The following NEK10 variants were observed in gnomAD, a reference collection of about 807,000 sequenced individuals.
NEK10 encodes NIMA related kinase 10.
NEK10 carries 122 observed loss-of-function variants against 159.8 expected under a neutral mutation model. That is an observed-to-expected ratio of 0.76 (90% CI 0.66 to 0.89). The LOEUF (loss-of-function observed/expected upper bound fraction) is 0.89, where lower values mean the gene tolerates loss of function less well. Among genes scored for constraint, NEK10 ranks in the 40% least tolerant of loss-of-function variants. The pLI, the probability that NEK10 is intolerant of heterozygous loss-of-function variation, is 0.00. For synonymous variants in NEK10, 466 were observed against 457.1 expected (o/e 1.02, Z -0.25); for missense variants, 1,342 against 1,323.1 (o/e 1.01, Z -0.22).
Position 27,119,852 on chromosome 3 carries a change from G to A in NEK10, c.3098C>T (p.Pro1033Leu). 6.2e-7 allele frequency: 1 copy of A among 1,613,644 alleles called. No homozygotes were observed. The highest frequency in any genetic ancestry group is 8.5e-7 in the Non-Finnish European group (1 of 1,179,678). Residue 1033 changes from proline to leucine, a missense_variant, in exon 33 of 36, where the codon CCA becomes CTA. Pro to Leu is a moderately conservative substitution (Grantham distance 98). Transcript: ENST00000691995. ...GAAAAAGTTGGGCTCAATCGGTTCT[G>A]GAGATCCCTGAGATAACTGAAATAG... is the stretch of plus-strand genomic sequence containing the variant. ...SEIKKLSQGS[P>L]EPIEPNFFTA...
At chr3:27,191,994 G>C (rs1440634704) in intron 26 of NEK10, 35 bp downstream of exon 26, 1 of 1,575,896 alleles carries the variant, frequency 6.3e-7, no homozygotes, top group Non-Finnish European at 8.7e-7. Flanking sequence ...GCCCATTAGA[G>C]TGCATCATGA....
intron 32 of NEK10, among the ~76,000 whole-genome samples, chr3:27,124,596 A>C (rs1332655214): frequency 6.6e-6 from 1 of 152,202 alleles, no homozygotes; most frequent in East Asian, 1.9e-4. Context: ...TCTTACATCA[A>C]AGGTCAGAAC....
intron 23 of NEK10, among the ~76,000 whole-genome samples, chr3:27,207,895 T>G (rs748802851): frequency 5.9e-5 from 9 of 152,188 alleles, no homozygotes; most frequent in African/African-American, 9.6e-5. Flanking sequence ...TGACCTGAGG[T>G]GACATAATTA....
intron 23 of NEK10, among the ~76,000 whole-genome samples, chr3:27,247,903 A>G (rs972551672): frequency 1.4e-5 from 2 of 144,024 alleles, no homozygotes; most frequent in Non-Finnish European, 3.0e-5. Flanking sequence ...GTTTGGAAGT[A>G]TACCCTCTTC....
chr3:27,107,365 C>T lies in NEK10; in HGVS notation c.*3907G>A, dbSNP rs115297005. ...TACAATATGCAATTTACTGTAATGA[C>T]ACACATAAGAATTCCTTTATCACAA... On this transcript the variant is annotated 3_prime_UTR_variant, in exon 36 of 36. Coordinates refer to ENST00000691995, the MANE Select transcript of NEK10 (RefSeq NM_001394966.1). Among the ~76,000 whole-genome samples the T allele has an allele frequency of 0.012, 1,792 of 152,186 alleles. 32 individuals are homozygous for T. The highest frequency in any genetic ancestry group is 0.041 in the African/African-American group (1,688 of 41,514).
chr3:27,240,579 T>A (rs1954434941), intron 23 of NEK10, among the ~76,000 whole-genome samples: 1 of 152,160 alleles, frequency 6.6e-6, no homozygotes, highest in Non-Finnish European at 1.5e-5. Context: ...TTTGATAGTC[T>A]TTATTCAAGG....
chr3:27,188,996 C>T (rs1490035607), intron 26 of NEK10, among the ~76,000 whole-genome samples: 3 of 152,110 alleles, frequency 2.0e-5, no homozygotes, highest in Non-Finnish European at 2.9e-5. Flanking sequence ...TATTATGATG[C>T]CACAATACCC....
intron 22 of NEK10, among the ~76,000 whole-genome samples, chr3:27,281,378 T>TC (rs1575575357): frequency 6.6e-6 from 1 of 151,718 alleles, no homozygotes; most frequent in Non-Finnish European, 1.5e-5. Context: ...TAAAGACCCA[T>TC]CCAAAGCAGT....
chr3:27,203,155 C>T (rs376974749), intron 23 of NEK10, among the ~76,000 whole-genome samples: 28 of 152,242 alleles, frequency 1.8e-4, no homozygotes, highest in African/African-American at 6.7e-4. Flanking sequence ...CAGTCTGCCC[C>T]CAGACAACCC....
At chr3:27,360,515 G>A (rs906746084) in intron 1 of NEK10, among the ~76,000 whole-genome samples, 1 of 152,186 alleles carries the variant, frequency 6.6e-6, no homozygotes, top group African/African-American at 2.4e-5. Context: ...AGGCCACACT[G>A]CATCTTTAGG....
intron 5 of NEK10, among the ~76,000 whole-genome samples, chr3:27,335,294 T>C (rs1170792977): frequency 6.7e-6 from 1 of 149,934 alleles, no homozygotes; most frequent in Non-Finnish European, 1.5e-5. Flanking sequence ...GAGCCGAGAA[T>C]GCACCATTGC....
chr3:27,159,960 G>T (rs527770232), intron 30 of NEK10, among the ~76,000 whole-genome samples: 1 of 149,896 alleles, frequency 6.7e-6, no homozygotes, highest in African/African-American at 2.5e-5. Context: ...TCTGATTTTG[G>T]CAAAATTCTC....
intron 3 of NEK10, among the ~76,000 whole-genome samples, chr3:27,346,863 A>G (rs1199757866): frequency 2.6e-5 from 4 of 152,240 alleles, no homozygotes; most frequent in Admixed American, 6.5e-5. Context: ...CAAATTTACC[A>G]TAAGTAAAAA....
intron 23 of NEK10, among the ~76,000 whole-genome samples, chr3:27,243,837 GT>G (rs1954803401): frequency 1.5e-5 from 1 of 64,624 alleles, no homozygotes; most frequent in African/African-American, 3.8e-5. Context: ...ATGGGTGTGT[GT>G]GTGTGTGTGT....
intron 23 of NEK10, among the ~76,000 whole-genome samples, chr3:27,216,905 C>G (rs1028079766): frequency 3.9e-5 from 6 of 152,120 alleles, no homozygotes; most frequent in African/African-American, 1.4e-4. Context: ...AGAGTATGAA[C>G]AATTTATCAA....
chr3:27,306,149 ACTCCT>A (rs1432798494), intron 11 of NEK10, among the ~76,000 whole-genome samples: 2 of 151,746 alleles, frequency 1.3e-5, no homozygotes, highest in African/African-American at 4.8e-5. Flanking sequence ...CAAGACACAT[ACTCCT>A]CTTTTCACAC....
chr3:27,239,612 T>C (rs1954326776), intron 23 of NEK10, among the ~76,000 whole-genome samples: 1 of 152,202 alleles, frequency 6.6e-6, no homozygotes, highest in African/African-American at 2.4e-5. Context: ...CCTCATCAGA[T>C]GGGTTCACAT....
rs1949183499 is a variant in NEK10, at chr3:27,192,249, T to C, written c.2292-7A>G. ...CGCATCAGGAGTGAGGCACCTAAGA[T>C]AACATGAGATAATTATAACACTCTG... On this transcript the variant is annotated splice_polypyrimidine_tract_variant and splice_region_variant and intron_variant, in intron 25 of 35. Transcript: ENST00000691995. 9 of 1,606,148 alleles carry C rather than the reference T, an allele frequency of 5.6e-6. No homozygotes were observed. The highest frequency in any genetic ancestry group is 7.7e-6 in the Non-Finnish European group (9 of 1,172,846).
In NEK10 at chr3:27,245,357, C is replaced by T. The variant is rs140192289; in HGVS notation, c.2090+10939G>A. Among the ~76,000 whole-genome samples, 100 of 152,278 alleles carry T rather than the reference C, an allele frequency of 6.6e-4. No homozygotes were observed. The East Asian group carries it at 0.019, about 28-fold the overall frequency. On this transcript the variant is annotated intron_variant, in intron 23 of 35. Coordinates refer to ENST00000691995, the MANE Select transcript of NEK10 (RefSeq NM_001394966.1). Reference sequence around the variant, plus strand: ...GATAAATGTATTTCACACATTTGGGCTGGCTCTTATGTGCTTTGACCAACA... The same window carrying T: ...GATAAATGTATTTCACACATTTGGGTTGGCTCTTATGTGCTTTGACCAACA...
Sources: allele counts gnomAD v4.1 joint callset (sites outside exome capture counted in the v4.1 genomes callset), GRCh38; gene constraint gnomAD v4.1.1; transcripts MANE v1.5; gene names NCBI Gene and HGNC (gene_info 2026-07-23, HGNC 2026-07-21).